ERCC6: variants seen among roughly 807,000 people sequenced by gnomAD.
ERCC6 encodes ERCC excision repair 6, chromatin remodeling factor.
A neutral mutation model predicts 158.7 loss-of-function variants in ERCC6; 116 were observed. The ratio of observed to expected loss-of-function variants is 0.73; its 90% confidence interval spans 0.63 to 0.85. The LOEUF (loss-of-function observed/expected upper bound fraction) is 0.85, where lower values mean the gene tolerates loss of function less well. ERCC6 is among the 40% of genes least tolerant of loss of function. ERCC6 has a pLI of 0.00. For synonymous variants in ERCC6, 678 were observed against 659.3 expected, an observed-to-expected ratio of 1.03 and a Z score of -0.43; for missense variants, 1,698 against 1,799.4, an observed-to-expected ratio of 0.94 and a Z score of 1.02.
intron 7 of ERCC6, among the ~76,000 whole-genome samples, chr10:49,495,974 G>A (rs755010390): frequency 2.6e-5 from 4 of 152,162 alleles, no homozygotes; most frequent in Admixed American, 6.5e-5. Context: ...ACACCTGGAC[G>A]TGGCCTACGA....
chr10:49,461,043 A>G (rs544444106), intron 19 of ERCC6, among the ~76,000 whole-genome samples: 23 of 152,356 alleles, frequency 1.5e-4, no homozygotes, highest in African/African-American at 5.5e-4. Context: ...TGTGCTGTAA[A>G]CTGGCTAATT....
Position 49,535,289 on chromosome 10 carries a change from A to C in ERCC6, c.-14-2311T>G, listed in dbSNP as rs868684763. 3.3e-4 allele frequency among the ~76,000 whole-genome samples: 51 copies of C among 152,360 alleles called. 1 individual carries two copies. The Middle Eastern group carries it at 0.014, about 41-fold the overall frequency. On this transcript the variant is annotated intron_variant, in intron 1 of 20. Coordinates refer to ENST00000355832, the MANE Select transcript of ERCC6 (RefSeq NM_000124.4). Reference sequence around the variant, plus strand: ...TTTGCAGCATGCAGTCAGAAATGCAAATCTGAGCTCAAGGGAAAGTCTGGG... The same window carrying C: ...TTTGCAGCATGCAGTCAGAAATGCACATCTGAGCTCAAGGGAAAGTCTGGG...
At chr10:49,538,235 G>A (rs1837648902) in intron 1 of ERCC6, among the ~76,000 whole-genome samples, 5 of 152,200 alleles carry the variant, frequency 3.3e-5, no homozygotes. Context: ...TGGAGGGTTG[G>A]TCGGACACAG....
intron 4 of ERCC6, among the ~76,000 whole-genome samples, chr10:49,527,477 C>T (rs1216235718): frequency 6.6e-6 from 1 of 152,144 alleles, no homozygotes; most frequent in African/African-American, 2.4e-5. Flanking sequence ...GAGTTCGAGA[C>T]CAGCTTGGCT....
intron 5 of ERCC6, among the ~76,000 whole-genome samples, chr10:49,521,397 G>T (rs919364788): frequency 6.6e-6 from 1 of 152,174 alleles, no homozygotes; most frequent in Admixed American, 6.5e-5. Context: ...AACACTGAAG[G>T]TGTGTTAGTC....
chr10:49,493,326 CA>C (rs1231066861), intron 7 of ERCC6, 74 bp from the exon 8 acceptor site: 1 of 1,563,594 alleles, frequency 6.4e-7, no homozygotes, highest in East Asian at 2.2e-5. Context: ...AAAGATCCCC[CA>C]AAACAACAAA....
chr10:49,490,568 T>C (rs1851156160), intron 8 of ERCC6, among the ~76,000 whole-genome samples: 1 of 152,148 alleles, frequency 6.6e-6, no homozygotes, highest in Non-Finnish European at 1.5e-5. Flanking sequence ...TTGGCCAGGC[T>C]GGTCTCAAAC....
rs143375792 is a variant in ERCC6, at chr10:49,512,697, G to T, written c.1398-6685C>A. On this transcript the variant is annotated intron_variant, in intron 5 of 20. Coordinates refer to ENST00000355832, the MANE Select transcript of ERCC6 (RefSeq NM_000124.4). ...TGCATATACACAATGAGATATGTTG[G>T]GATGGGACCCAAGACTAAATACGAA... Among the ~76,000 whole-genome samples the T allele has an allele frequency of 5.3e-5, 8 of 152,282 alleles. No homozygotes were observed. In the East Asian group the frequency reaches 1.5e-3, roughly 29 times the overall value.
At chr10:49,498,493 T>C (rs532147748) in intron 7 of ERCC6, among the ~76,000 whole-genome samples, 2 of 152,166 alleles carry the variant, frequency 1.3e-5, no homozygotes, top group African/African-American at 4.8e-5. Context: ...CTGGTACATA[T>C]GAGCGGGGGG....
At chr10:49,469,923 G>T (rs1014776561) in intron 18 of ERCC6, among the ~76,000 whole-genome samples, 2 of 152,164 alleles carry the variant, frequency 1.3e-5, no homozygotes, top group Non-Finnish European at 2.9e-5. Flanking sequence ...AGTACACATC[G>T]ATTTAAGAAT....
Position 49,482,721 on chromosome 10 carries a change from G to A in ERCC6, c.2135C>T (p.Thr712Ile). 1 of 1,613,624 alleles carries A rather than the reference G, an allele frequency of 6.2e-7. No homozygotes were observed. Among genetic ancestry groups the A allele is most frequent in the South Asian group, 1.1e-5 (1 of 91,062 alleles). The change falls in exon 10 of 21, where the codon ACC becomes ATC. Residue 712 changes from threonine (T) to isoleucine (I), a missense_variant. Coordinates refer to ENST00000355832, the MANE Select transcript of ERCC6 (RefSeq NM_000124.4). ...GGAAGCATTTGAATATCCCCCCATGGTGATGGGGACGGAGAACTGCTCCAT... is the reference window on the plus strand; with the variant it reads ...GGAAGCATTTGAATATCCCCCCATGATGATGGGGACGGAGAACTGCTCCAT... ...VFMEQFSVPI[T>I]MGGYSNASPV...
At chr10:49,503,666 T>C (rs1364524289) in intron 6 of ERCC6, 2 of 152,192 alleles carry the variant, frequency 1.3e-5, no homozygotes, top group Non-Finnish European at 2.9e-5. Context: ...TTTGGTTTTA[T>C]TGCTTTACCT....
intron 8 of ERCC6, among the ~76,000 whole-genome samples, chr10:49,486,511 A>C (rs1389197768): frequency 6.6e-6 from 1 of 152,236 alleles, no homozygotes; most frequent in Non-Finnish European, 1.5e-5. Context: ...GACTAAACCA[A>C]ACAAACCTCT....
chr10:49,470,647 C>T lies in ERCC6; in HGVS notation c.3313G>A (p.Asp1105Asn). 6.2e-7 allele frequency: 1 copy of T among 1,613,732 alleles called. No homozygotes were observed. The highest frequency in any genetic ancestry group is 8.5e-7 in the Non-Finnish European group (1 of 1,179,762). Residue 1105 changes from aspartate to asparagine, a missense_variant, in exon 18 of 21, where the codon GAT becomes AAT. Transcript: ENST00000355832. ...PHMSSNVTSN[D>N]RLGEETNAVS... is the part of the protein sequence containing the mutation. ...GCATTTGTCTCTTCTCCAAGCCTAT[C>T]ATTGCTAGTTACATTACTACTCATG...
chr10:49,499,695 T>G (rs916211715), intron 7 of ERCC6, among the ~76,000 whole-genome samples: 12 of 152,196 alleles, frequency 7.9e-5, no homozygotes, highest in Non-Finnish European at 1.8e-4. Flanking sequence ...CAATACTGAT[T>G]TCTACAGAGT....
At chr10:49,469,331 A>G (rs1590404534) in intron 18 of ERCC6, among the ~76,000 whole-genome samples, 1 of 152,196 alleles carries the variant, frequency 6.6e-6, no homozygotes, top group South Asian at 2.1e-4. Flanking sequence ...CTCCTGATAG[A>G]TGCACTGAGT....
At chr10:49,451,021 C>T (rs1850414660), downstream of ERCC6, among the ~76,000 whole-genome samples, 3 of 152,096 alleles carry the variant, frequency 2.0e-5, no homozygotes, top group Admixed American at 2.0e-4. Flanking sequence ...CCGTGTTAGC[C>T]AGGATGGTCT....
rs1419468641 is a variant in ERCC6 at position 49,466,899 on chromosome 10, G to A, written c.3778+3283C>T. 5.3e-5 allele frequency among the ~76,000 whole-genome samples: 8 copies of A among 151,862 alleles called. No individual in the cohort carries two copies. In the South Asian group the frequency reaches 6.2e-4, roughly 12 times the overall value. ...CTTCCCAGGTTCAAGCGATTCTCCCGCTCAGCTTCCCAAGTAGCTGGGATT... is the reference window on the plus strand; with the variant it reads ...CTTCCCAGGTTCAAGCGATTCTCCCACTCAGCTTCCCAAGTAGCTGGGATT... On this transcript the variant is annotated intron_variant, in intron 18 of 20. Transcript: ENST00000355832.
chr10:49,448,174 T>C, the ERCC6 span, among the ~76,000 whole-genome samples: 1 of 152,232 alleles, frequency 6.6e-6, no homozygotes, highest in Admixed American at 6.5e-5. Flanking sequence ...AAAGGTTTGC[T>C]TATCCATGTC....
Sources: gnomAD v4.1 joint callset for allele counts (sites outside exome capture counted in the v4.1 genomes callset) on GRCh38, gnomAD v4.1.1 for gene constraint, MANE v1.5 for transcripts, NCBI Gene and HGNC (gene_info 2026-07-23, HGNC 2026-07-21) for gene names.